CDH6: variants seen among roughly 807,000 people sequenced by gnomAD.
CDH6 encodes the protein cadherin 6, also known as cadherin-6.
In CDH6, 31 loss-of-function variants were observed where a neutral mutation model predicts 78.0. The observed-to-expected ratio is 0.40, with a 90% CI of 0.30 to 0.54. The LOEUF is 0.54. Ranked by LOEUF, CDH6 falls within the 20% of genes least tolerant of loss-of-function variation. The pLI is 0.56. For missense variants in CDH6, 724 were observed against 975.9 expected, an observed-to-expected ratio of 0.74 and a Z score of 3.44; for synonymous variants, 376 against 368.8, an observed-to-expected ratio of 1.02 and a Z score of -0.23.
chr5:31,261,969 C>G (rs1378528204), intron 1 of CDH6, among the ~76,000 whole-genome samples: 1 of 152,082 alleles, frequency 6.6e-6, no homozygotes, highest in African/African-American at 2.4e-5. Context: ...AAGTTGATTC[C>G]AAAGTACACT....
chr5:31,248,409 A>G (rs1741818280), intron 1 of CDH6, among the ~76,000 whole-genome samples: 1 of 152,214 alleles, frequency 6.6e-6, no homozygotes, highest in South Asian at 2.1e-4. Flanking sequence ...AGGCGTCTTA[A>G]TTTAAAAAAG....
chr5:31,224,799 G>A (rs139316629), intron 1 of CDH6, among the ~76,000 whole-genome samples: 80 of 152,212 alleles, frequency 5.3e-4, no homozygotes, highest in African/African-American at 1.4e-3. Context: ...CTTCCTCAGC[G>A]TCCCAAAGTG....
chr5:31,221,030 G>T (rs764683214), intron 1 of CDH6, among the ~76,000 whole-genome samples: 2 of 152,182 alleles, frequency 1.3e-5, no homozygotes, highest in Non-Finnish European at 2.9e-5. Context: ...AGGCTGTTCA[G>T]GGGGGAGACA....
chr5:31,322,853 C>G lies in CDH6; in HGVS notation c.1918C>G (p.Arg640Gly), dbSNP rs1317991132. The change falls in exon 12 of 12, where the codon CGA becomes GGA. Residue 640 changes from arginine to glycine, a missense_variant. Arg to Gly is a moderately radical substitution (Grantham distance 125, BLOSUM62 -2). This residue lies in a region of CDH6 where 220 missense variants were observed against 240.6 expected (regional missense o/e 0.91). Coordinates refer to ENST00000265071, the MANE Select transcript of CDH6 (RefSeq NM_004932.4). ...VVLFAALRRQRKKEPLIISKE... is the reference protein window; with the variant it reads ...VVLFAALRRQGKKEPLIISKE... ...GCTGTTTGCAGCTCTGAGGCGGCAG[C>G]GAAAAAAAGAGCCTTTGATCATTTC... 2 of 1,613,484 alleles carry G rather than the reference C, an allele frequency of 1.2e-6. No individual in the cohort carries two copies. The highest frequency in any genetic ancestry group is 2.2e-5 in the South Asian group (2 of 91,056).
At position 31,297,493 on chromosome 5, in the gene CDH6, T is replaced by G. The variant is rs908232780; in HGVS notation, c.643+85T>G. 2.9e-5 allele frequency: 29 copies of G among 1,002,452 alleles called. No homozygotes were observed. The South Asian group carries it at 4.8e-4, about 17-fold the overall frequency. The allele number at this position is 1,002,452 out of a possible 1,614,324, so 62.1% of individuals were successfully genotyped here. ...GCTAGCATATTTTTAATAAAAATAA[T>G]CAATGTGATTGGATTTTCTTGCATA... On this transcript the variant is annotated intron_variant, in intron 4 of 11. Transcript: ENST00000265071.
At chr5:31,206,137 CAGAT>C (rs550561038) in intron 1 of CDH6, among the ~76,000 whole-genome samples, 9 of 128,900 alleles carry the variant, frequency 7.0e-5, no homozygotes, top group African/African-American at 1.3e-4. Flanking sequence ...AGATAGATGA[CAGAT>C]AGATAGATAG....
chr5:31,233,341 TA>T (rs1422546632), intron 1 of CDH6, among the ~76,000 whole-genome samples: 1,724 of 44,652 alleles, frequency 0.039, 33 homozygotes, highest in African/African-American at 0.081. Flanking sequence ...GCCCCGTCTC[TA>T]CAAAAAAAAA....
chr5:31,306,960 G>C (rs1738007808), intron 7 of CDH6, among the ~76,000 whole-genome samples: 1 of 152,104 alleles, frequency 6.6e-6, no homozygotes, highest in South Asian at 2.1e-4. Flanking sequence ...TTGATGCTGG[G>C]GGAAGAACAT....
At chr5:31,262,882 G>C (rs1742245386) in intron 1 of CDH6, among the ~76,000 whole-genome samples, 1 of 152,106 alleles carries the variant, frequency 6.6e-6, no homozygotes, top group South Asian at 2.1e-4. Context: ...GTTTCCCACA[G>C]TTCTCAAAGT....
Position 31,297,376 on chromosome 5 carries a change from G to A in CDH6, c.611G>A (p.Gly204Glu). 1 of 1,609,712 alleles carries A rather than the reference G, an allele frequency of 6.2e-7. No individual in the cohort carries two copies. The highest frequency in any genetic ancestry group is 8.5e-7 in the Non-Finnish European group (1 of 1,177,124). ...AAAGTTGTCTACAGTATTCTACAGG[G>A]ACAGCCCTATTTTTCAGTTGAATCA... Reference protein sequence around the residue: ...SAKVVYSILQGQPYFSVESET... With the variant: ...SAKVVYSILQEQPYFSVESET... Residue 204 changes from glycine (G) to glutamate (E), a missense_variant, in exon 4 of 12, where the codon GGA becomes GAA. By Grantham distance (98) the Gly-to-Glu change is moderately conservative. Around this residue, in one of 3 missense-constraint regions of CDH6, gnomAD observed 446 missense variants for 684.5 expected, o/e 0.65. Coordinates refer to ENST00000265071, the MANE Select transcript of CDH6 (RefSeq NM_004932.4).
intron 1 of CDH6, among the ~76,000 whole-genome samples, chr5:31,243,654 C>T (rs757951064): frequency 3.3e-5 from 5 of 152,172 alleles, no homozygotes; most frequent in Admixed American, 2.0e-4. Context: ...AACAACTTCT[C>T]TCCTGGGAGG....
intron 1 of CDH6, among the ~76,000 whole-genome samples, chr5:31,198,506 T>C (rs1740233318): frequency 6.6e-6 from 1 of 152,178 alleles, no homozygotes; most frequent in Non-Finnish European, 1.5e-5. Context: ...AGGGTATGAT[T>C]TATCTTCATA....
chr5:31,280,491 A>C (rs1204516711), intron 2 of CDH6, among the ~76,000 whole-genome samples: 1 of 152,218 alleles, frequency 6.6e-6, no homozygotes, highest in Admixed American at 6.5e-5. Context: ...TTGCCAGCAC[A>C]GTACCAAAGC....
At chr5:31,226,331 C>T (rs544116474) in intron 1 of CDH6, among the ~76,000 whole-genome samples, 8 of 152,190 alleles carry the variant, frequency 5.3e-5, no homozygotes, top group Admixed American at 2.6e-4. Context: ...CCCACCACCA[C>T]GCCCAGCTAA....
intron 11 of CDH6, among the ~76,000 whole-genome samples, chr5:31,322,340 A>T (rs1738494854): frequency 1.3e-5 from 2 of 150,880 alleles, no homozygotes; most frequent in African/African-American, 4.9e-5. Context: ...TCTCAGGTAA[A>T]AAAAAAAAAG....
intron 5 of CDH6, among the ~76,000 whole-genome samples, chr5:31,301,222 A>G (rs1314834802): frequency 6.6e-6 from 1 of 152,254 alleles, no homozygotes; most frequent in Non-Finnish European, 1.5e-5. Flanking sequence ...TCAAGGGATT[A>G]CTATTACTGA....
At chr5:31,199,464 A>ATACACACACATATGTGTATATATG (rs1561193396) in intron 1 of CDH6, among the ~76,000 whole-genome samples, 1 of 8,118 alleles carries the variant, frequency 1.2e-4, no homozygotes, top group South Asian at 0.012. Context: ...ATGTGTATAT[A>ATACACACACATATGTGTATATATG]TACACACACA....
intron 2 of CDH6, among the ~76,000 whole-genome samples, chr5:31,270,966 G>A (rs11955971): frequency 0.27 from 40,439 of 151,920 alleles, 6,444 homozygotes; most frequent in Non-Finnish European, 0.35. Flanking sequence ...GACATATAAA[G>A]GTGTACCAAG....
At chr5:31,240,972 C>T (rs1039633397) in intron 1 of CDH6, among the ~76,000 whole-genome samples, 1 of 152,180 alleles carries the variant, frequency 6.6e-6, no homozygotes, top group South Asian at 2.1e-4. Flanking sequence ...ATTGGAAGTT[C>T]CAGTGTCATA....
Sources: allele counts gnomAD v4.1 joint callset (sites outside exome capture counted in the v4.1 genomes callset), GRCh38; gene constraint gnomAD v4.1.1; regional missense constraint gnomAD v4.1.1; transcripts MANE v1.5; gene names NCBI Gene and HGNC (gene_info 2026-07-23, HGNC 2026-07-21).